FRAS1: variants seen among roughly 807,000 people sequenced by gnomAD.
The protein encoded by FRAS1 is extracellular matrix organizing protein FRAS1.
FRAS1 carries 290 observed loss-of-function variants against 435.2 expected under a neutral mutation model. The ratio of observed to expected loss-of-function variants is 0.67; its 90% confidence interval spans 0.61 to 0.73. FRAS1 has a LOEUF of 0.73. FRAS1 is among the 30% of genes least tolerant of loss of function. FRAS1 has a pLI of 0.00. For synonymous variants in FRAS1, 1,800 were observed against 1,851.0 expected (o/e 0.97, Z 0.71); for missense variants, 4,860 against 5,001.5 (o/e 0.97, Z 0.85).
At chr4:78,519,267 G>T (rs1280599518) in intron 66 of FRAS1, 64 bp from the exon 67 acceptor site, 2 of 1,377,058 alleles carry the variant, frequency 1.5e-6, no homozygotes, top group Non-Finnish European at 1.9e-6. Flanking sequence ...CCAAGATGTG[G>T]TGATAGTATG....
chr4:78,226,136 A>G (rs1724259448), intron 2 of FRAS1, among the ~76,000 whole-genome samples: 2 of 152,148 alleles, frequency 1.3e-5, no homozygotes, highest in Non-Finnish European at 2.9e-5. Flanking sequence ...AGCCATTACT[A>G]TAACCTTTGA....
intron 18 of FRAS1, among the ~76,000 whole-genome samples, chr4:78,322,401 C>T (rs535330796): frequency 5.3e-5 from 8 of 152,184 alleles, no homozygotes; most frequent in East Asian, 3.9e-4. Flanking sequence ...TGAGTGTGTG[C>T]GCACATATGC....
intron 2 of FRAS1, among the ~76,000 whole-genome samples, chr4:78,149,901 G>A (rs1428015386): frequency 6.6e-6 from 1 of 152,162 alleles, no homozygotes; most frequent in East Asian, 1.9e-4. Context: ...TTGGCTGTGA[G>A]GGGTGATATG....
rs564829266 is a variant in FRAS1 at position 78,113,634 on chromosome 4, A to T, written c.108+47618A>T. The stretch of plus-strand genomic sequence containing the variant: ...GGCTCCATAAATGTCTTCTTTTGAG[A>T]AATGTCTGTTCATATCCTTTGCCCA... On this transcript the variant is annotated intron_variant, in intron 2 of 73. Transcript: ENST00000512123. Among the ~76,000 whole-genome samples the T allele has an allele frequency of 2.9e-3, 434 of 152,262 alleles. 1 individual carries two copies. Among genetic ancestry groups the T allele is most frequent in the South Asian group, 0.016 (77 of 4,824 alleles).
At chr4:78,336,189 T>C (rs1730165088) in intron 19 of FRAS1, among the ~76,000 whole-genome samples, 1 of 152,292 alleles carries the variant, frequency 6.6e-6, no homozygotes, top group South Asian at 2.1e-4. Context: ...TCTGGAATTC[T>C]TTGCCTTTTT....
intron 2 of FRAS1, among the ~76,000 whole-genome samples, chr4:78,225,856 A>G (rs2110101241): frequency 6.6e-6 from 1 of 152,314 alleles, no homozygotes; most frequent in South Asian, 2.1e-4. Context: ...GCCTTTATCC[A>G]GTCTGACAAT....
At chr4:78,434,333 A>C (rs1264670780) in intron 38 of FRAS1, among the ~76,000 whole-genome samples, 2 of 152,220 alleles carry the variant, frequency 1.3e-5, no homozygotes, top group African/African-American at 4.8e-5. Flanking sequence ...GCGAGTAAAC[A>C]GGAAAAGAAC....
chr4:78,537,945 CA>C (rs71661176), intron 72 of FRAS1, among the ~76,000 whole-genome samples: 239 of 91,246 alleles, frequency 2.6e-3, no homozygotes, highest in Admixed American at 3.2e-3. Context: ...GACCCTATCT[CA>C]AAAAAAAAAA....
At chr4:78,420,888 A>G (rs1454589552) in intron 33 of FRAS1, among the ~76,000 whole-genome samples, 1 of 39,196 alleles carries the variant, frequency 2.6e-5, no homozygotes, top group African/African-American at 9.5e-5. Context: ...ACATATATAT[A>G]TATATATATA....
Position 78,363,558 on chromosome 4 carries a change from C to G in FRAS1, c.2468C>G (p.Thr823Ser). 1 of 1,613,386 alleles carries G rather than the reference C, an allele frequency of 6.2e-7. No individual in the cohort carries two copies. Among genetic ancestry groups the G allele is most frequent in the African/African-American group, 1.3e-5 (1 of 75,042 alleles). ...CQHCAADLHNTGSICLRCQNA... is the reference protein window; with the variant it reads ...CQHCAADLHNSGSICLRCQNA... Reference sequence around the variant, plus strand: ...CACTGTGCAGCTGATCTCCACAACACTGGGAGCATCTGCCTCAGGTGCCAG... The same window carrying G: ...CACTGTGCAGCTGATCTCCACAACAGTGGGAGCATCTGCCTCAGGTGCCAG... The change falls in exon 21 of 74, where the codon ACT (threonine) becomes AGT (serine). Residue 823 changes from threonine to serine, a missense_variant. By Grantham distance (58) the Thr-to-Ser change is moderately conservative. Transcript: ENST00000512123.
intron 63 of FRAS1, 22 bp from the exon 64 acceptor site, chr4:78,511,252 G>A (rs970618481): frequency 3.2e-6 from 5 of 1,548,974 alleles, no homozygotes; most frequent in Non-Finnish European, 4.4e-6. Flanking sequence ...TCACATTGGA[G>A]GTGATTTTTT....
chr4:78,371,091 GTTT>G (rs369342938), intron 23 of FRAS1, among the ~76,000 whole-genome samples: 1 of 124,298 alleles, frequency 8.0e-6, no homozygotes. Flanking sequence ...CTGTTTTTTT[GTTT>G]TTTTTTTTTT....
chr4:78,321,347 A>T (rs755390921), intron 18 of FRAS1, among the ~76,000 whole-genome samples: 2 of 152,200 alleles, frequency 1.3e-5, no homozygotes, highest in Non-Finnish European at 2.9e-5. Context: ...TAAGTCCAGT[A>T]TCCAGTATCC....
chr4:78,453,199 G>A (rs1312142998), intron 47 of FRAS1, among the ~76,000 whole-genome samples: 2 of 152,122 alleles, frequency 1.3e-5, no homozygotes, highest in African/African-American at 4.8e-5. Context: ...TTTTGAGCAA[G>A]GAAGAAAAGT....
At chr4:78,482,288 A>G in intron 57 of FRAS1, 100 bp from the exon 58 acceptor site, 1 of 1,366,940 alleles carries the variant, frequency 7.3e-7, no homozygotes, top group East Asian at 2.3e-5. Flanking sequence ...CTTACTTTAA[A>G]ACCACCAAAG....
intron 20 of FRAS1, among the ~76,000 whole-genome samples, chr4:78,342,701 G>A (rs181302394): frequency 6.6e-5 from 10 of 152,274 alleles, no homozygotes; most frequent in Admixed American, 2.6e-4. Context: ...ACCTGGGGGC[G>A]GGGGAATGTC....
chr4:78,187,625 A>T (rs971813415), intron 2 of FRAS1, among the ~76,000 whole-genome samples: 3 of 151,438 alleles, frequency 2.0e-5, no homozygotes, highest in Non-Finnish European at 4.4e-5. Flanking sequence ...TTTTTCTGAG[A>T]TGGAGTCTTA....
intron 2 of FRAS1, among the ~76,000 whole-genome samples, chr4:78,222,099 A>G (rs916658228): frequency 3.3e-5 from 5 of 152,040 alleles, no homozygotes; most frequent in South Asian, 2.1e-4. Flanking sequence ...GCCCTGGTTC[A>G]ATCTGGACTA....
chr4:78,392,978 C>T (rs1732510768), intron 29 of FRAS1, among the ~76,000 whole-genome samples: 1 of 149,352 alleles, frequency 6.7e-6, no homozygotes, highest in East Asian at 1.9e-4. Flanking sequence ...ACATGTTCAT[C>T]ATGATGAGTG....
Sources: allele counts gnomAD v4.1 joint callset (sites outside exome capture counted in the v4.1 genomes callset), GRCh38; gene constraint gnomAD v4.1.1; transcripts MANE v1.5; gene names NCBI Gene and HGNC (gene_info 2026-07-23, HGNC 2026-07-21).